Variants in UBE2E3 observed in about 807,000 individuals in gnomAD.
UBE2E3 encodes the protein ubiquitin-conjugating enzyme E2 E3.
A neutral mutation model predicts 23.6 loss-of-function variants in UBE2E3; 5 were observed. The ratio of observed to expected loss-of-function variants is 0.21; its 90% confidence interval spans 0.11 to 0.44. The LOEUF (loss-of-function observed/expected upper bound fraction) is 0.44. Ranked by LOEUF, UBE2E3 falls within the 20% of genes least tolerant of loss-of-function variation. The pLI, the probability that UBE2E3 is intolerant of heterozygous loss-of-function variation, is 0.99. For synonymous variants in UBE2E3, 78 were observed against 87.5 expected, an observed-to-expected ratio of 0.89 and a Z score of 0.60; for missense variants, 81 against 249.8, an observed-to-expected ratio of 0.32 and a Z score of 4.55.
chr2:181,058,244 C>T (rs1016957520), intron 4 of UBE2E3, among the ~76,000 whole-genome samples: 2 of 151,606 alleles, frequency 1.3e-5, no homozygotes, highest in African/African-American at 4.8e-5. Context: ...GTGCTGAATA[C>T]CTTTATAGAT....
intron 3 of UBE2E3, among the ~76,000 whole-genome samples, chr2:181,015,862 C>T (rs1314007347): frequency 1.3e-5 from 2 of 151,946 alleles, no homozygotes; most frequent in African/African-American, 2.4e-5. Context: ...ACTAGTTCAG[C>T]AATTTATAGC....
chr2:181,034,173 C>T (rs1574204363), intron 3 of UBE2E3, among the ~76,000 whole-genome samples: 1 of 152,204 alleles, frequency 6.6e-6, no homozygotes, highest in Non-Finnish European at 1.5e-5. Flanking sequence ...AATCCCATTA[C>T]TGGGTATATA....
intron 3 of UBE2E3, among the ~76,000 whole-genome samples, chr2:180,989,058 G>A (rs1226185030): frequency 2.0e-5 from 3 of 152,060 alleles, no homozygotes; most frequent in African/African-American, 7.2e-5. Flanking sequence ...TGTATTATTA[G>A]TTTTATTGTT....
At chr2:181,020,069 T>A (rs1395907327) in intron 3 of UBE2E3, among the ~76,000 whole-genome samples, 1 of 152,154 alleles carries the variant, frequency 6.6e-6, no homozygotes, top group African/African-American at 2.4e-5. Flanking sequence ...ACTGTATTTC[T>A]TATCTGTTTT....
At chr2:181,021,188 T>G (rs1685657890) in intron 3 of UBE2E3, among the ~76,000 whole-genome samples, 1 of 152,188 alleles carries the variant, frequency 6.6e-6, no homozygotes, top group South Asian at 2.1e-4. Flanking sequence ...ATGAGATTAG[T>G]CAGGATTGTG....
chr2:181,018,974 T>A (rs538416100), intron 3 of UBE2E3, among the ~76,000 whole-genome samples: 2 of 152,310 alleles, frequency 1.3e-5, no homozygotes, highest in African/African-American at 4.8e-5. Flanking sequence ...CTCTAAATTT[T>A]TTTTTTGAGA....
chr2:180,998,867 T>C (rs1400048498), intron 3 of UBE2E3, among the ~76,000 whole-genome samples: 6 of 152,232 alleles, frequency 3.9e-5, no homozygotes, highest in Non-Finnish European at 7.3e-5. Context: ...AGATGATTCA[T>C]TTGAAAACCA....
intron 3 of UBE2E3, among the ~76,000 whole-genome samples, chr2:181,034,199 A>G (rs1157222622): frequency 6.6e-6 from 1 of 152,220 alleles, no homozygotes; most frequent in Non-Finnish European, 1.5e-5. Flanking sequence ...AGGATTATAA[A>G]TCATGCTGCT....
chr2:181,010,482 G>T (rs958788832), intron 3 of UBE2E3, among the ~76,000 whole-genome samples: 1 of 152,132 alleles, frequency 6.6e-6, no homozygotes, highest in Non-Finnish European at 1.5e-5. Context: ...ATTCTTAGCT[G>T]TAGAAGAAAT....
At chr2:181,023,061 C>A (rs1157538682) in intron 3 of UBE2E3, among the ~76,000 whole-genome samples, 1 of 152,226 alleles carries the variant, frequency 6.6e-6, no homozygotes, top group Non-Finnish European at 1.5e-5. Context: ...GTAGAAATCA[C>A]ATGCATTCAG....
At chr2:181,056,400 G>C (rs1686990099) in intron 3 of UBE2E3, among the ~76,000 whole-genome samples, 1 of 151,660 alleles carries the variant, frequency 6.6e-6, no homozygotes, top group Admixed American at 6.6e-5. Flanking sequence ...TTCACCTGAT[G>C]GGCATCTGCA....
intron 3 of UBE2E3, among the ~76,000 whole-genome samples, chr2:181,041,233 T>A (rs200566537): frequency 0.019 from 346 of 17,988 alleles, 9 homozygotes; most frequent in Middle Eastern, 0.028. Context: ...AGACTCCGTC[T>A]CAAAAAAAAA....
At chr2:181,055,142 A>G (rs1686953770) in intron 3 of UBE2E3, among the ~76,000 whole-genome samples, 1 of 151,842 alleles carries the variant, frequency 6.6e-6, no homozygotes, top group African/African-American at 2.4e-5. Context: ...GTAACAACAG[A>G]GGAGAGAAAC....
chr2:180,983,180 T>C (rs943714856), intron 2 of UBE2E3, among the ~76,000 whole-genome samples: 1 of 152,208 alleles, frequency 6.6e-6, no homozygotes, highest in African/African-American at 2.4e-5. Flanking sequence ...ATATAAAAAC[T>C]GATCAAATAT....
intron 3 of UBE2E3, among the ~76,000 whole-genome samples, chr2:181,011,594 A>G (rs934401668): frequency 6.6e-6 from 1 of 152,122 alleles, no homozygotes; most frequent in Non-Finnish European, 1.5e-5. Flanking sequence ...AAAATAATGC[A>G]CTGGCTGCAC....
At chr2:181,034,178 T>C (rs775218246) in intron 3 of UBE2E3, among the ~76,000 whole-genome samples, 3 of 152,216 alleles carry the variant, frequency 2.0e-5, no homozygotes, top group Non-Finnish European at 4.4e-5. Flanking sequence ...CATTACTGGG[T>C]ATATACCCAA....
At chr2:181,029,707 G>A (rs1686014239) in intron 3 of UBE2E3, among the ~76,000 whole-genome samples, 1 of 144,216 alleles carries the variant, frequency 6.9e-6, no homozygotes, top group South Asian at 2.2e-4. Flanking sequence ...TTACTGTCTA[G>A]GACAACCAAG....
chr2:180,998,534 T>C (rs778932568), intron 3 of UBE2E3, among the ~76,000 whole-genome samples: 4 of 152,132 alleles, frequency 2.6e-5, no homozygotes, highest in Admixed American at 6.6e-5. Flanking sequence ...AGATCATGTT[T>C]CCTACTTGAT....
At chr2:181,013,013 A>T (rs111330619) in intron 3 of UBE2E3, among the ~76,000 whole-genome samples, 1 of 152,070 alleles carries the variant, frequency 6.6e-6, no homozygotes, top group East Asian at 1.9e-4. Flanking sequence ...TATTTTTTAC[A>T]TGGGAGTCTC....
Sources: gnomAD v4.1 joint callset for allele counts (sites outside exome capture counted in the v4.1 genomes callset) on GRCh38, gnomAD v4.1.1 for gene constraint, MANE v1.5 for transcripts, NCBI Gene and HGNC (gene_info 2026-07-23, HGNC 2026-07-21) for gene names.